Variants in ENTREP2 observed in about 807,000 individuals in gnomAD.
ENTREP2 encodes endosomal transmembrane epsin interactor 2.
the ENTREP2 span, among the ~76,000 whole-genome samples, chr15:29,648,994 T>TG: frequency 6.6e-6 from 1 of 150,518 alleles, no homozygotes; most frequent in African/African-American, 2.4e-5. Flanking sequence ...CACCCAAAGT[T>TG]GAGCCATCTC....
At chr15:29,224,253 C>T in the ENTREP2 span, among the ~76,000 whole-genome samples, 2 of 152,120 alleles carry the variant, frequency 1.3e-5, no homozygotes, top group Non-Finnish European at 2.9e-5. Context: ...CGTGGTCTCA[C>T]TGGCTTCAGG....
chr15:29,136,379 G>A, the ENTREP2 span: 1 of 1,510,384 alleles, frequency 6.6e-7, no homozygotes. Context: ...GCTGGCAGGG[G>A]GCTGGCCCAC....
At chr15:29,548,929 A>T in the ENTREP2 span, among the ~76,000 whole-genome samples, 8 of 152,184 alleles carry the variant, frequency 5.3e-5, no homozygotes, top group African/African-American at 1.9e-4. Flanking sequence ...AATGAACTGC[A>T]ACTTAACTTA....
the ENTREP2 span, among the ~76,000 whole-genome samples, chr15:29,361,366 T>C: frequency 2.0e-5 from 3 of 152,344 alleles, no homozygotes; most frequent in East Asian, 1.9e-4. Context: ...CTGTGAATAC[T>C]TGTCTTGGGC....
chr15:29,515,613 A>G, the ENTREP2 span, among the ~76,000 whole-genome samples: 2 of 152,248 alleles, frequency 1.3e-5, no homozygotes, highest in African/African-American at 4.8e-5. Context: ...AAGAGCCTGC[A>G]GAAAGGAACA....
chr15:29,121,062 G>T, the ENTREP2 span: 1 of 152,438 alleles, frequency 6.6e-6, no homozygotes, highest in Non-Finnish European at 1.5e-5. Flanking sequence ...CGAAGGGGCA[G>T]AAGGTTCCAG....
At chr15:29,598,565 G>A in the ENTREP2 span, among the ~76,000 whole-genome samples, 71,953 of 151,616 alleles carry the variant, frequency 0.47, 17,529 homozygotes, top group Non-Finnish European at 0.54. Flanking sequence ...CATTGCACTG[G>A]TAAGATATTT....
chr15:29,674,089 G>C, the ENTREP2 span, among the ~76,000 whole-genome samples: 1 of 150,016 alleles, frequency 6.7e-6, no homozygotes, highest in Non-Finnish European at 1.5e-5. Context: ...CTGCCTCCCA[G>C]GGTGTGTGGG....
At chr15:29,412,906 T>C in the ENTREP2 span, among the ~76,000 whole-genome samples, 1 of 152,050 alleles carries the variant, frequency 6.6e-6, no homozygotes, top group Non-Finnish European at 1.5e-5. Context: ...TTATGTATTG[T>C]GTTCTTTAAA....
chr15:29,421,024 A>T, the ENTREP2 span, among the ~76,000 whole-genome samples: 1 of 152,234 alleles, frequency 6.6e-6, no homozygotes, highest in African/African-American at 2.4e-5. Context: ...GTGGAATTCC[A>T]GAGATGGCAG....
the ENTREP2 span, among the ~76,000 whole-genome samples, chr15:29,258,632 C>T: frequency 6.6e-6 from 1 of 152,076 alleles, no homozygotes; most frequent in South Asian, 2.1e-4. Flanking sequence ...AGTTTAATGA[C>T]ATTAAGTATG....
At chr15:29,661,055 C>G in the ENTREP2 span, among the ~76,000 whole-genome samples, 5 of 140,738 alleles carry the variant, frequency 3.6e-5, no homozygotes, top group African/African-American at 9.5e-5. Context: ...GTTGTAATTA[C>G]AGCATTTTTT....
chr15:29,160,708 CA>C, the ENTREP2 span, among the ~76,000 whole-genome samples: 8,207 of 36,082 alleles, frequency 0.23, 125 homozygotes, highest in East Asian at 0.29. Flanking sequence ...GACTCTGTCT[CA>C]AAAAAAAAAA....
chr15:29,227,446 G>A, the ENTREP2 span, among the ~76,000 whole-genome samples: 1 of 152,150 alleles, frequency 6.6e-6, no homozygotes, highest in Non-Finnish European at 1.5e-5. Context: ...AAAAGCGGAG[G>A]AGCGGCCTGC....
chr15:29,139,328 C>T, the ENTREP2 span, among the ~76,000 whole-genome samples: 12 of 152,186 alleles, frequency 7.9e-5, no homozygotes, highest in Non-Finnish European at 1.2e-4. Context: ...TTTAATTGTC[C>T]GAAACAGAGG....
the ENTREP2 span, among the ~76,000 whole-genome samples, chr15:29,171,808 CT>C: frequency 2.6e-5 from 4 of 152,152 alleles, no homozygotes; most frequent in Non-Finnish European, 5.9e-5. Flanking sequence ...AGATCAGCAA[CT>C]TTGCAGCTTT....
chr15:29,480,163 T>G, the ENTREP2 span, among the ~76,000 whole-genome samples: 1 of 152,028 alleles, frequency 6.6e-6, no homozygotes, highest in African/African-American at 2.4e-5. Context: ...ATATTGTTGT[T>G]GAATTCTTCT....
the ENTREP2 span, among the ~76,000 whole-genome samples, chr15:29,306,750 T>C: frequency 3.9e-4 from 54 of 137,946 alleles, no homozygotes; most frequent in Non-Finnish European, 7.5e-4. Context: ...AGTGCAGTGG[T>C]GTGATCACCC....
chr15:29,524,611 T>A, the ENTREP2 span, among the ~76,000 whole-genome samples: 1 of 152,214 alleles, frequency 6.6e-6, no homozygotes, highest in Non-Finnish European at 1.5e-5. Context: ...TCGATTAGGA[T>A]GAACCTGGGC....
Sources: gnomAD v4.1 joint callset for allele counts (sites outside exome capture counted in the v4.1 genomes callset) on GRCh38, gnomAD v4.1.1 for gene constraint, MANE v1.5 for transcripts, NCBI Gene and HGNC (gene_info 2026-07-23, HGNC 2026-07-21) for gene names.